The following TMCC1 variants were observed in gnomAD, a reference collection of about 807,000 sequenced individuals.
TMCC1 encodes the protein transmembrane and coiled-coil domain family 1.
TMCC1 carries 15 observed loss-of-function variants against 52.4 expected under a neutral mutation model. That is an observed-to-expected ratio of 0.29 (90% CI 0.19 to 0.44). The LOEUF is 0.44. Ranked by LOEUF, TMCC1 falls within the 20% of genes least tolerant of loss-of-function variation. The pLI is 1.00. For synonymous variants in TMCC1, 279 were observed against 301.9 expected (o/e 0.92, Z 0.79); for missense variants, 503 against 806.0 (o/e 0.62, Z 4.55).
At chr3:129,834,068 G>C (rs1255953156) in intron 2 of TMCC1, among the ~76,000 whole-genome samples, 1 of 152,228 alleles carries the variant, frequency 6.6e-6, no homozygotes, top group African/African-American at 2.4e-5. Context: ...GTGGTGAAGT[G>C]TGTAAGAAAG....
At chr3:129,872,730 T>A (rs576911943) in intron 2 of TMCC1, among the ~76,000 whole-genome samples, 1 of 152,054 alleles carries the variant, frequency 6.6e-6, no homozygotes, top group Admixed American at 6.6e-5. Context: ...AAAATGTGGG[T>A]CCTAAATATT....
chr3:129,723,180 T>C (rs1395847138), intron 4 of TMCC1, among the ~76,000 whole-genome samples: 1 of 152,186 alleles, frequency 6.6e-6, no homozygotes, highest in Non-Finnish European at 1.5e-5. Context: ...AAATGGTGGT[T>C]GTGTTGAATA....
chr3:129,678,364 T>TC (rs1290309092), intron 4 of TMCC1, among the ~76,000 whole-genome samples: 3 of 144,568 alleles, frequency 2.1e-5, no homozygotes, highest in Non-Finnish European at 4.6e-5. Context: ...TAATTCTTTT[T>TC]TTTTTTTTTT....
intron 4 of TMCC1, among the ~76,000 whole-genome samples, chr3:129,795,647 TAC>T (rs933364181): frequency 9.8e-5 from 15 of 152,358 alleles, no homozygotes; most frequent in African/African-American, 3.1e-4. Context: ...CTCCCTTACC[TAC>T]AGTTTGTTCC....
chr3:129,887,268 G>A (rs530011439), intron 1 of TMCC1, among the ~76,000 whole-genome samples: 3 of 151,938 alleles, frequency 2.0e-5, no homozygotes, highest in African/African-American at 4.8e-5. Flanking sequence ...ACTGGGCTAG[G>A]TGCACTGGCT....
rs139357281 is a variant in TMCC1 at position 129,778,926 on chromosome 3, C to T, written c.576+48877G>A. Among the ~76,000 whole-genome samples, 7 of 152,240 alleles carry T rather than the reference C, an allele frequency of 4.6e-5. No individual in the cohort carries two copies. In the East Asian group the frequency reaches 1.4e-3, roughly 29 times the overall value. On this transcript the variant is annotated intron_variant, in intron 4 of 6. Transcript: ENST00000393238. ...AGTCTCGGGCAGTTCTTTATAGTAG[C>T]ATGAGAACAGACTAATACAGATGGA...
At position 129,696,972 on chromosome 3, in the gene TMCC1, C is replaced by T. The variant is rs553945615; in HGVS notation, c.577-25708G>A. ...GCTCCTGGGTGCTTTCATGGGGTGG[C>T]GTTAGGTGTCTGCAGCTTTTCCAGG... On this transcript the variant is annotated intron_variant, in intron 4 of 6. Transcript: ENST00000393238. Among the ~76,000 whole-genome samples the T allele has an allele frequency of 1.2e-4, 19 of 152,276 alleles. No individual in the cohort carries two copies. The South Asian group carries it at 1.9e-3, about 15-fold the overall frequency.
chr3:129,869,487 C>T (rs2060814939), intron 2 of TMCC1, among the ~76,000 whole-genome samples: 1 of 152,100 alleles, frequency 6.6e-6, no homozygotes, highest in Non-Finnish European at 1.5e-5. Context: ...GTGTGGGTGG[C>T]CCAAGACTTG....
Position 129,654,993 on chromosome 3 carries a change from G to A in TMCC1, c.1622C>T (p.Ser541Phe), listed in dbSNP as rs147783037. The change falls in exon 6 of 7, where the codon TCC (serine) becomes TTC (phenylalanine). Residue 541 changes from serine to phenylalanine, a missense_variant. Physicochemically the swap from Ser to Phe is radical, Grantham distance 155. Around this residue, in one of 7 missense-constraint regions of TMCC1, gnomAD observed 121 missense variants for 193.6 expected, o/e 0.62. Coordinates refer to ENST00000393238, the MANE Select transcript of TMCC1 (RefSeq NM_001017395.5). Reference protein sequence around the residue: ...ASMEEKIAYQSYERARDIQEA... With the variant: ...ASMEEKIAYQFYERARDIQEA... ...CTGGATGTCCCGGGCCCGTTCATAG[G>A]ACTGATACGCGATTTTTTCTTCCAT... is the stretch of plus-strand genomic sequence containing the variant. The A allele has an allele frequency of 6.2e-7, 1 of 1,613,990 alleles. No homozygotes were observed.
intron 4 of TMCC1, among the ~76,000 whole-genome samples, chr3:129,778,563 G>A (rs1488906675): frequency 6.6e-6 from 1 of 151,932 alleles, no homozygotes; most frequent in Non-Finnish European, 1.5e-5. Context: ...AGAAAGAATG[G>A]TGATATGGTC....
At chr3:129,657,602 A>G (rs1311221939) in intron 5 of TMCC1, among the ~76,000 whole-genome samples, 1 of 152,246 alleles carries the variant, frequency 6.6e-6, no homozygotes, top group African/African-American at 2.4e-5. Context: ...CATAAGTAAG[A>G]AATCAGAGTC....
At chr3:129,779,892 G>A (rs902739106) in intron 4 of TMCC1, among the ~76,000 whole-genome samples, 1 of 152,128 alleles carries the variant, frequency 6.6e-6, no homozygotes, top group Non-Finnish European at 1.5e-5. Context: ...CTAGGCAGCA[G>A]TACAAGAGAC....
intron 4 of TMCC1, among the ~76,000 whole-genome samples, chr3:129,792,338 C>A (rs141123662): frequency 6.6e-6 from 1 of 151,922 alleles, no homozygotes; most frequent in South Asian, 2.1e-4. Context: ...AATAGAGGCA[C>A]GATGCATTTG....
At chr3:129,847,024 T>TA (rs1184571585) in intron 2 of TMCC1, 1 of 151,830 alleles carries the variant, frequency 6.6e-6, no homozygotes, top group Non-Finnish European at 1.5e-5. Flanking sequence ...CATACATACA[T>TA]AATTTTGAAA....
At chr3:129,843,279 G>A (rs906255440) in intron 2 of TMCC1, among the ~76,000 whole-genome samples, 8 of 151,856 alleles carry the variant, frequency 5.3e-5, no homozygotes, top group Admixed American at 1.3e-4. Flanking sequence ...CCTGGGAGGC[G>A]GAGCTTGCAG....
chr3:129,653,289 C>T (rs992412773), intron 6 of TMCC1, among the ~76,000 whole-genome samples: 5 of 152,246 alleles, frequency 3.3e-5, no homozygotes, highest in African/African-American at 1.2e-4. Flanking sequence ...CTTCCTTATA[C>T]ACACTACCTG....
chr3:129,720,858 C>T (rs1157237473), intron 4 of TMCC1, among the ~76,000 whole-genome samples: 3 of 152,004 alleles, frequency 2.0e-5, no homozygotes, highest in Admixed American at 6.6e-5. Context: ...CCATGCCTGG[C>T]TAATTTTTAT....
At position 129,877,624 on chromosome 3, in the gene TMCC1, C is replaced by CTT. The variant is rs760525326; in HGVS notation, c.-184+2683_-184+2684dup. On this transcript the variant is annotated intron_variant, in intron 2 of 6. Transcript: ENST00000393238. ...AACTGTTTACTCAACATCCCTAAGT[C>CTT]TTTTTTTTTTTTTTTTTTTTGAGAC... Among the ~76,000 whole-genome samples the CTT allele has an allele frequency of 2.0e-3, 253 of 126,914 alleles. 2 individuals carry two copies. Among genetic ancestry groups the CTT allele is most frequent in the East Asian group, 0.011 (45 of 3,914 alleles). 83.3% of individuals were successfully genotyped at this position (126,914 alleles called of 152,430 possible).
rs982890457 is a variant in TMCC1 at position 129,764,718 on chromosome 3, C to T, written c.576+63085G>A. On this transcript the variant is annotated intron_variant, in intron 4 of 6. Transcript: ENST00000393238. ...TTAGGTGAAAGCCAAAATGGTTAAG[C>T]TACATCCTATAATATTGTGTGTGTG... Among the ~76,000 whole-genome samples, 5 of 133,316 alleles carry T rather than the reference C, an allele frequency of 3.8e-5. No homozygotes were observed. In the South Asian group the frequency reaches 1.2e-3, roughly 32 times the overall value. 87.5% of individuals were successfully genotyped at this position (133,316 alleles called of 152,430 possible).
Sources: allele counts gnomAD v4.1 joint callset (sites outside exome capture counted in the v4.1 genomes callset), GRCh38; gene constraint gnomAD v4.1.1; regional missense constraint gnomAD v4.1.1; transcripts MANE v1.5; gene names NCBI Gene and HGNC (gene_info 2026-07-23, HGNC 2026-07-21).